Variants in SNTG1 observed in about 807,000 individuals in gnomAD.
SNTG1 encodes the protein gamma-1-syntrophin.
Under a neutral mutation model 74.7 loss-of-function variants are expected in SNTG1, and 39 were observed. The observed-to-expected ratio is 0.52, with a 90% CI of 0.40 to 0.68. The LOEUF is 0.68. Ranked by LOEUF, SNTG1 falls within the 30% of genes least tolerant of loss-of-function variation. SNTG1 has a pLI of 0.00. For synonymous variants in SNTG1, 254 were observed against 217.1 expected (o/e 1.17, Z -1.49); for missense variants, 685 against 609.5 (o/e 1.12, Z -1.30).
intron 1 of SNTG1, among the ~76,000 whole-genome samples, chr8:50,065,332 C>A (rs1448401820): frequency 1.3e-5 from 2 of 151,936 alleles, no homozygotes; most frequent in East Asian, 1.9e-4. Context: ...TAGCTGTTTG[C>A]AGAATAAAAA....
intron 8 of SNTG1, among the ~76,000 whole-genome samples, chr8:50,484,149 T>TTTAC (rs2093767127): frequency 2.1e-5 from 1 of 47,010 alleles, no homozygotes; most frequent in African/African-American, 7.9e-5. Context: ...TCTTTCTTTC[T>TTTAC]TTCCTTCCTT....
chr8:50,033,313 G>A (rs554734071), intron 1 of SNTG1, among the ~76,000 whole-genome samples: 11 of 152,038 alleles, frequency 7.2e-5, no homozygotes, highest in South Asian at 2.1e-4. Flanking sequence ...TACTAGAGAC[G>A]GGGTTTCTCC....
At chr8:50,790,603 G>A (rs552262223) in intron 18 of SNTG1, among the ~76,000 whole-genome samples, 1 of 151,930 alleles carries the variant, frequency 6.6e-6, no homozygotes, top group Admixed American at 6.6e-5. Flanking sequence ...AGTGGAAATG[G>A]TTGCCAAGGC....
intron 2 of SNTG1, among the ~76,000 whole-genome samples, chr8:50,225,418 C>T (rs1418890800): frequency 6.6e-6 from 1 of 152,158 alleles, no homozygotes; most frequent in Non-Finnish European, 1.5e-5. Flanking sequence ...CATTGTCAGT[C>T]AGAAAATGTT....
At position 50,550,848 on chromosome 8, in the gene SNTG1, A is replaced by C. The variant is rs115162478; in HGVS notation, c.681-2202A>C. 2.5e-3 allele frequency among the ~76,000 whole-genome samples: 374 copies of C among 152,224 alleles called. 4 individuals are homozygous for C. Among genetic ancestry groups the C allele is most frequent in the African/African-American group, 8.1e-3 (337 of 41,556 alleles). ...AACTATTTTTGTTTATCTTGAGTTA[A>C]AAAATTACATTTTCTAAAAGCTACA... On this transcript the variant is annotated intron_variant, in intron 11 of 18. Transcript: ENST00000642720.
intron 17 of SNTG1, among the ~76,000 whole-genome samples, chr8:50,748,495 G>T (rs1017790976): frequency 2.8e-4 from 43 of 152,114 alleles, no homozygotes; most frequent in South Asian, 4.2e-4. Flanking sequence ...TCATATGACA[G>T]TGTGAATGTA....
intron 4 of SNTG1, among the ~76,000 whole-genome samples, chr8:50,416,933 G>A (rs562137601): frequency 3.3e-4 from 50 of 152,196 alleles, no homozygotes; most frequent in African/African-American, 1.2e-3. Flanking sequence ...ATGATTCACT[G>A]TCTTTGCTTC....
chr8:50,009,864 T>A (rs1466069512), intron 1 of SNTG1, among the ~76,000 whole-genome samples: 1 of 152,034 alleles, frequency 6.6e-6, no homozygotes, highest in Non-Finnish European at 1.5e-5. Context: ...CTGGGCACGG[T>A]GATGCATGCC....
At chr8:50,157,123 C>T (rs2082277790) in intron 1 of SNTG1, among the ~76,000 whole-genome samples, 1 of 152,048 alleles carries the variant, frequency 6.6e-6, no homozygotes, top group Non-Finnish European at 1.5e-5. Flanking sequence ...AGCTGAATCT[C>T]AAACAAGGAA....
At chr8:50,050,489 A>G (rs375608596) in intron 1 of SNTG1, among the ~76,000 whole-genome samples, 2 of 152,084 alleles carry the variant, frequency 1.3e-5, no homozygotes, top group African/African-American at 4.8e-5. Context: ...GCACCAGGCT[A>G]GATGTGTTTA....
At chr8:50,025,539 G>A (rs1374618794) in intron 1 of SNTG1, among the ~76,000 whole-genome samples, 1 of 152,110 alleles carries the variant, frequency 6.6e-6, no homozygotes, top group African/African-American at 2.4e-5. Flanking sequence ...AAAGAGAAGA[G>A]CTAATAAATG....
intron 1 of SNTG1, among the ~76,000 whole-genome samples, chr8:49,987,042 T>G (rs1402091949): frequency 6.6e-6 from 1 of 152,172 alleles, no homozygotes; most frequent in Non-Finnish European, 1.5e-5. Context: ...AAATGAAAAG[T>G]AGGTTATGTT....
intron 1 of SNTG1, among the ~76,000 whole-genome samples, chr8:50,158,604 C>T (rs2082321757): frequency 6.6e-6 from 1 of 152,148 alleles, no homozygotes; most frequent in African/African-American, 2.4e-5. Context: ...TACCTACAGA[C>T]ATTTTCCTAT....
rs5891361 is a variant in SNTG1 at position 50,305,524 on chromosome 8, A to ATGTGTGTG, written c.-27-88664_-27-88657dup. On this transcript the variant is annotated intron_variant, in intron 2 of 18. Coordinates refer to ENST00000642720, the MANE Select transcript of SNTG1 (RefSeq NM_018967.5). ...GTGGATGTTTGGTTTGTTTGTGCTTATGTGTGTGTGTGTGTGTGTGTGTGT... is the reference window on the plus strand; with the variant it reads ...GTGGATGTTTGGTTTGTTTGTGCTTATGTGTGTGTGTGTGTGTGTGTGTGTGTGTGTGT... Among the ~76,000 whole-genome samples, 954 of 146,082 alleles carry ATGTGTGTG rather than the reference A, an allele frequency of 6.5e-3. 25 individuals are homozygous for ATGTGTGTG. Among genetic ancestry groups the ATGTGTGTG allele is most frequent in the Admixed American group, 0.058 (845 of 14,554 alleles).
chr8:50,659,646 TCATTGA>T (rs896707216), intron 15 of SNTG1, among the ~76,000 whole-genome samples: 15 of 152,168 alleles, frequency 9.9e-5, no homozygotes, highest in African/African-American at 3.4e-4. Flanking sequence ...AAAGTATAGT[TCATTGA>T]TTGCTCATCA....
At chr8:50,687,354 A>C (rs918507553) in intron 15 of SNTG1, among the ~76,000 whole-genome samples, 2 of 152,212 alleles carry the variant, frequency 1.3e-5, no homozygotes, top group Non-Finnish European at 2.9e-5. Context: ...CCAATAAATG[A>C]ATGAATGGAT....
chr8:50,697,172 T>A (rs955515607), intron 15 of SNTG1, among the ~76,000 whole-genome samples: 3 of 152,126 alleles, frequency 2.0e-5, no homozygotes, highest in Non-Finnish European at 4.4e-5. Context: ...CTTGCTTAAA[T>A]GTATTTCCGG....
intron 8 of SNTG1, among the ~76,000 whole-genome samples, chr8:50,485,550 A>C (rs2093784505): frequency 6.6e-6 from 1 of 150,524 alleles, no homozygotes; most frequent in Admixed American, 6.6e-5. Context: ...GTTTGAGTTC[A>C]TTGTAGATTC....
chr8:50,026,490 T>C (rs554773748), intron 1 of SNTG1, among the ~76,000 whole-genome samples: 1 of 152,264 alleles, frequency 6.6e-6, no homozygotes, highest in South Asian at 2.1e-4. Context: ...GTTGACCAAT[T>C]AAATTCATAA....
Sources: gnomAD v4.1 joint callset for allele counts (sites outside exome capture counted in the v4.1 genomes callset) on GRCh38, gnomAD v4.1.1 for gene constraint, MANE v1.5 for transcripts, NCBI Gene and HGNC (gene_info 2026-07-23, HGNC 2026-07-21) for gene names.